Variants in DYNC1H1 observed in about 807,000 individuals in gnomAD.
DYNC1H1 encodes cytoplasmic dynein 1 heavy chain 1.
Under a neutral mutation model 527.1 loss-of-function variants are expected in DYNC1H1, and 51 were observed. The ratio of observed to expected loss-of-function variants is 0.10; its 90% confidence interval spans 0.08 to 0.12. DYNC1H1 has a LOEUF of 0.12. DYNC1H1 is among the 10% of genes least tolerant of loss of function. The pLI, the probability that DYNC1H1 is intolerant of heterozygous loss-of-function variation, is 1.00. For synonymous variants in DYNC1H1, 2,189 were observed against 2,278.8 expected (o/e 0.96, Z 1.12); for missense variants, 2,771 against 5,971.8 (o/e 0.46, Z 17.66).
In DYNC1H1 at chr14:102,015,206, C is replaced by A. The variant is rs377242217; in HGVS notation, c.7116C>A (p.Asp2372Glu). Reference protein sequence around the residue: ...VWFSEDVLSTDMIFNNFLARL... With the variant: ...VWFSEDVLSTEMIFNNFLARL... ...TCAGTGAGGATGTGCTGAGCACCGA[C>A]ATGATCTTCAACAACTTCCTGGCCA... Residue 2372 changes from aspartate (D) to glutamate (E), a missense_variant, in exon 35 of 78, where the codon GAC becomes GAA. Physicochemically the swap from Asp to Glu is conservative, Grantham distance 45 (BLOSUM62 2). Coordinates refer to ENST00000360184, the MANE Select transcript of DYNC1H1 (RefSeq NM_001376.5). The surrounding 1 kb of genome is among the most constrained non-coding windows in gnomAD (Gnocchi z 6.9). 22 of 1,614,112 alleles carry A rather than the reference C, an allele frequency of 1.4e-5. No homozygotes were observed. The highest frequency in any genetic ancestry group is 1.9e-5 in the Non-Finnish European group (22 of 1,180,058).
Position 101,964,987 on chromosome 14 carries a change from T to C in DYNC1H1, c.256+40T>C. On this transcript the variant is annotated intron_variant, in intron 1 of 77. Coordinates refer to ENST00000360184, the MANE Select transcript of DYNC1H1 (RefSeq NM_001376.5). This position sits in a 1 kb window ranked among gnomAD's most constrained non-coding sequence, Gnocchi z 5.5. ...AGGGCAGGGTCGCCAGAGCCAGGCC[T>C]CGCGGAATGCAGGGCCTGCCAGGTC... 1 of 1,563,426 alleles carries C rather than the reference T, an allele frequency of 6.4e-7. No homozygotes were observed. The highest frequency in any genetic ancestry group is 1.4e-5 in the African/African-American group (1 of 74,050).
In DYNC1H1 at chr14:102,038,035, G is replaced by GAGAC; in HGVS notation, c.10909-421_10909-418dup. The GAGAC allele has an allele frequency of 3.4e-6, 1 of 298,100 alleles. No homozygotes were observed. The highest frequency in any genetic ancestry group is 4.7e-5 in the Admixed American group (1 of 21,120). The allele number at this position is 298,100 out of a possible 1,614,324, so 18.5% of individuals were successfully genotyped here. ...TTAATTTTTTATTTTATGTTTTTTT[G>GAGAC]AGACAGAGTGTTGCTCTGTCCCCCA... On this transcript the variant is annotated intron_variant, in intron 57 of 77. Coordinates refer to ENST00000360184, the MANE Select transcript of DYNC1H1 (RefSeq NM_001376.5). This position sits in a 1 kb window ranked among gnomAD's most constrained non-coding sequence, Gnocchi z 7.2.
Position 102,042,603 on chromosome 14 carries a change from C to G in DYNC1H1, c.12400-32C>G. 6.2e-7 allele frequency: 1 copy of G among 1,613,950 alleles called. No homozygotes were observed. ...ATTGAACAGGCGCCCTCATCCACACCCGAGCATAACTGGAACGGCGCTCTC... is the reference window on the plus strand; with the variant it reads ...ATTGAACAGGCGCCCTCATCCACACGCGAGCATAACTGGAACGGCGCTCTC... On this transcript the variant is annotated intron_variant, in intron 68 of 77. Coordinates refer to ENST00000360184, the MANE Select transcript of DYNC1H1 (RefSeq NM_001376.5). This position sits in a 1 kb window ranked among gnomAD's most constrained non-coding sequence, Gnocchi z 5.7.
At position 102,001,137 on chromosome 14, in the gene DYNC1H1, C is replaced by T. The variant is rs768929287; in HGVS notation, c.4186-8C>T. 1.2e-6 allele frequency: 2 copies of T among 1,614,216 alleles called. No individual in the cohort carries two copies. Among genetic ancestry groups the T allele is most frequent in the South Asian group, 2.2e-5 (2 of 91,092 alleles). ...CTGCACAGATCACTTTGTTTACTTT[C>T]TCCACAGATAAATATGCTGGTGATT... On this transcript the variant is annotated splice_region_variant and splice_polypyrimidine_tract_variant and intron_variant, in intron 19 of 77. Transcript: ENST00000360184. The surrounding 1 kb of genome is among the most constrained non-coding windows in gnomAD (Gnocchi z 5.0).
Position 102,042,864 on chromosome 14 carries a change from G to T in DYNC1H1, c.12513+116G>T. On this transcript the variant is annotated intron_variant, in intron 69 of 77. Transcript: ENST00000360184. The surrounding 1 kb of genome is among the most constrained non-coding windows in gnomAD (Gnocchi z 5.7). ...GAAGTGCCGTGTGGTGAACTGCACA[G>T]CTGCTTTTGCTTTTCAGCTGTAGGT... 1 of 1,203,546 alleles carries T rather than the reference G, an allele frequency of 8.3e-7. No individual in the cohort carries two copies. The highest frequency in any genetic ancestry group is 1.3e-5 in the South Asian group (1 of 77,368). The allele number at this position is 1,203,546 out of a possible 1,614,324, so 74.6% of individuals were successfully genotyped here.
At chr14:101,998,945 A>T (rs9671815) in intron 16 of DYNC1H1, among the ~76,000 whole-genome samples, 3,572 of 133,820 alleles carry the variant, frequency 0.027, 94 homozygotes, top group African/African-American at 0.079. Flanking sequence ...GCAGTGGCGC[A>T]ATCTCCGCTC....
chr14:102,030,334 A>G (rs2048496369), intron 51 of DYNC1H1, 52 bp downstream of exon 51: 6 of 1,613,494 alleles, frequency 3.7e-6, no homozygotes, highest in African/African-American at 1.3e-5. Flanking sequence ...GTCTCCGTCA[A>G]CATTACTGTG....
In DYNC1H1 at chr14:102,005,144, GT is replaced by G; in HGVS notation, c.5342del (p.Val1781GlyfsTer2). 1 of 1,614,220 alleles carries G rather than the reference GT, an allele frequency of 6.2e-7. No homozygotes were observed. Among genetic ancestry groups the G allele is most frequent in the Non-Finnish European group, 8.5e-7 (1 of 1,180,042 alleles). Reference sequence around the variant, plus strand: ...TGGAGATGCCGCGCCCTTGCACTCTGTGCTGAGCAATGTGGAGGTCACCCTC... The same window carrying G: ...TGGAGATGCCGCGCCCTTGCACTCTGGCTGAGCAATGTGGAGGTCACCCTC... ...GGGDAAPLHS[V>X]LSNVEVTLNV... On this transcript the variant is annotated frameshift_variant, in exon 26 of 78. Transcript: ENST00000360184. LOFTEE classifies it high-confidence loss of function. The surrounding 1 kb of genome is among the most constrained non-coding windows in gnomAD (Gnocchi z 4.0).
chr14:101,993,414 A>G (rs1377436720), intron 11 of DYNC1H1, among the ~76,000 whole-genome samples: 4 of 152,114 alleles, frequency 2.6e-5, no homozygotes, highest in East Asian at 3.9e-4. Context: ...ATGACTTCCT[A>G]TCTCACTCAT....
intron 52 of DYNC1H1, 131 bp downstream of exon 52, chr14:102,032,598 T>A: frequency 7.3e-6 from 9 of 1,225,702 alleles, no homozygotes; most frequent in Non-Finnish European, 1.0e-5. Context: ...ACGGCTCCAA[T>A]CCCAGAACTT....
chr14:101,999,091 C>T (rs956835084), intron 16 of DYNC1H1, among the ~76,000 whole-genome samples: 1 of 151,994 alleles, frequency 6.6e-6, no homozygotes, highest in Admixed American at 6.6e-5. Flanking sequence ...AATGTGTTAG[C>T]CAGGATGGTC....
In DYNC1H1 at chr14:102,041,640, C is replaced by T. The variant is rs1159403427; in HGVS notation, c.12008C>T (p.Ala4003Val). 11 of 1,614,096 alleles carry T rather than the reference C, an allele frequency of 6.8e-6. No homozygotes were observed. Among genetic ancestry groups the T allele is most frequent in the Non-Finnish European group, 9.3e-6 (11 of 1,180,050 alleles). Residue 4003 changes from alanine to valine, a missense_variant, in exon 65 of 78, where the codon GCC becomes GTC. Coordinates refer to ENST00000360184, the MANE Select transcript of DYNC1H1 (RefSeq NM_001376.5). The surrounding 1 kb of genome is among the most constrained non-coding windows in gnomAD (Gnocchi z 4.5). ...GCTTTCCGGCCCGATCGCCTGTTGGCCATGGCCCACATGTTTGTTTCAACA... is the reference window on the plus strand; with the variant it reads ...GCTTTCCGGCCCGATCGCCTGTTGGTCATGGCCCACATGTTTGTTTCAACA... ...IQAFRPDRLL[A>V]MAHMFVSTNL...
rs763765659 is a variant in DYNC1H1, at chr14:101,987,418, T to G, written c.2539-35T>G. The G allele has an allele frequency of 1.9e-6, 3 of 1,588,062 alleles. No individual in the cohort carries two copies. In the African/African-American group the frequency reaches 4.0e-5, roughly 21 times the overall value. On this transcript the variant is annotated intron_variant, in intron 8 of 77. Coordinates refer to ENST00000360184, the MANE Select transcript of DYNC1H1 (RefSeq NM_001376.5). ...TGAGAATAAAGGAACAGAGTGTGAG[T>G]GGGTGTTTTAAATATTAAATATTTC...
Position 102,044,811 on chromosome 14 carries a change from C to T in DYNC1H1, c.13006+113C>T. The T allele has an allele frequency of 8.0e-7, 1 of 1,255,236 alleles. No homozygotes were observed. The highest frequency in any genetic ancestry group is 1.1e-6 in the Non-Finnish European group (1 of 879,156). 77.8% of individuals were successfully genotyped at this position (1,255,236 alleles called of 1,614,324 possible). A position where few individuals can be genotyped will look rare whatever the true frequency, so the allele number is the denominator to read the frequency against. Reference sequence around the variant, plus strand: ...GTGAGTGTGCACTGCTGTCCCAGGGCCCTCCCTGGTTATGCTGGGTGTGGC... The same window carrying T: ...GTGAGTGTGCACTGCTGTCCCAGGGTCCTCCCTGGTTATGCTGGGTGTGGC... On this transcript the variant is annotated intron_variant, in intron 72 of 77. Coordinates refer to ENST00000360184, the MANE Select transcript of DYNC1H1 (RefSeq NM_001376.5). The surrounding 1 kb of genome is among the most constrained non-coding windows in gnomAD (Gnocchi z 7.1).
In DYNC1H1 at chr14:102,029,405, G is replaced by A. The variant is rs532128770; in HGVS notation, c.9469-134G>A. The A allele has an allele frequency of 5.1e-5, 60 of 1,179,676 alleles. No homozygotes were observed. The highest frequency in any genetic ancestry group is 2.2e-4 in the Middle Eastern group (1 of 4,486). 73.1% of individuals were successfully genotyped at this position (1,179,676 alleles called of 1,614,324 possible). ...GCTCTAAGTGGCTAAGCTGAGGCCC[G>A]ACTCGAGTGTTCTGGCCCCGAGGGC... On this transcript the variant is annotated intron_variant, in intron 48 of 77. Transcript: ENST00000360184. This position sits in a 1 kb window ranked among gnomAD's most constrained non-coding sequence, Gnocchi z 5.3.
rs746283010 is a variant in DYNC1H1, at chr14:102,038,463, G to A, written c.10912G>A (p.Val3638Met). Reference protein sequence around the residue: ...RFGNPLLVQDVESYDPVLNPV... With the variant: ...RFGNPLLVQDMESYDPVLNPV... ...GTTCCACCCGTGTGGAATGCAGGAT[G>A]TGGAAAGCTACGATCCAGTTTTGAA... Residue 3638 changes from valine to methionine, a missense_variant, in exon 58 of 78, where the codon GTG (valine) becomes ATG (methionine). By Grantham distance (21) the Val-to-Met change is conservative. This residue lies in a region of DYNC1H1 where 283 missense variants were observed against 737.6 expected (regional missense o/e 0.38). Transcript: ENST00000360184. The surrounding 1 kb of genome is among the most constrained non-coding windows in gnomAD (Gnocchi z 7.2). 1.2e-6 allele frequency: 2 copies of A among 1,614,082 alleles called. No individual in the cohort carries two copies. Among genetic ancestry groups the A allele is most frequent in the South Asian group, 1.1e-5 (1 of 91,074 alleles).
intron 72 of DYNC1H1, among the ~76,000 whole-genome samples, chr14:102,047,047 C>T (rs1450129798): frequency 2.6e-5 from 4 of 152,144 alleles, no homozygotes; most frequent in African/African-American, 7.2e-5. Flanking sequence ...CTCCCGCTTC[C>T]GCCTCCCACA....
intron 43 of DYNC1H1, among the ~76,000 whole-genome samples, chr14:102,024,024 C>G (rs919321453): frequency 2.0e-5 from 3 of 152,134 alleles, no homozygotes; most frequent in African/African-American, 7.2e-5. Flanking sequence ...CAGGAATTCC[C>G]AGGAGTATGG....
At chr14:102,023,552 AG>A (rs1595621346) in intron 43 of DYNC1H1, 1 of 161,564 alleles carries the variant, frequency 6.2e-6, no homozygotes, top group East Asian at 1.8e-4. Flanking sequence ...TCTGTCTCAA[AG>A]AAAAAAAAAA....
Sources: allele counts gnomAD v4.1 joint callset (sites outside exome capture counted in the v4.1 genomes callset), GRCh38; gene constraint gnomAD v4.1.1; regional missense constraint gnomAD v4.1.1; non-coding constraint Gnocchi (gnomAD v3.1); transcripts MANE v1.5; gene names NCBI Gene and HGNC (gene_info 2026-07-23, HGNC 2026-07-21).